THSD7A: variants seen among roughly 807,000 people sequenced by gnomAD.
The protein encoded by THSD7A is thrombospondin type-1 domain-containing protein 7A.
A neutral mutation model predicts 231.3 loss-of-function variants in THSD7A; 96 were observed. The observed-to-expected ratio is 0.41, with a 90% CI of 0.35 to 0.49. The LOEUF (loss-of-function observed/expected upper bound fraction) is 0.49. THSD7A is among the 20% of genes least tolerant of loss of function. The probability of loss-of-function intolerance (pLI) is 0.05; values close to 1 mark genes in which losing one functional copy is unlikely to be tolerated. For synonymous variants in THSD7A, 940 were observed against 743.3 expected (o/e 1.26, Z -4.30); for missense variants, 2,290 against 2,070.2 (o/e 1.11, Z -2.06).
At chr7:11,677,057 A>T (rs558149890) in intron 1 of THSD7A, among the ~76,000 whole-genome samples, 20 of 152,314 alleles carry the variant, frequency 1.3e-4, no homozygotes, top group African/African-American at 4.6e-4. Flanking sequence ...CATCAGACTA[A>T]CATTGGATCT....
chr7:11,488,623 C>A (rs1053795404), intron 6 of THSD7A, among the ~76,000 whole-genome samples: 1 of 152,070 alleles, frequency 6.6e-6, no homozygotes, highest in Non-Finnish European at 1.5e-5. Flanking sequence ...TCCATTTTCT[C>A]TTCCAAATCT....
chr7:11,604,488 A>G (rs1208405121), intron 2 of THSD7A, among the ~76,000 whole-genome samples: 1 of 152,214 alleles, frequency 6.6e-6, no homozygotes, highest in Non-Finnish European at 1.5e-5. Context: ...CACTTTAAAA[A>G]AACATATTTT....
At chr7:11,417,902 C>A (rs1435515346) in intron 16 of THSD7A, among the ~76,000 whole-genome samples, 6 of 152,176 alleles carry the variant, frequency 3.9e-5, no homozygotes, top group Admixed American at 6.5e-5. Flanking sequence ...GTTATGCAAG[C>A]TTCCTCTGAA....
At chr7:11,716,369 G>A (rs75228288) in intron 1 of THSD7A, among the ~76,000 whole-genome samples, 84 of 151,654 alleles carry the variant, frequency 5.5e-4, no homozygotes, top group African/African-American at 2.0e-3. Context: ...AGGTAAACAG[G>A]AAATTACAAT....
intron 1 of THSD7A, among the ~76,000 whole-genome samples, chr7:11,759,780 T>A (rs542097240): frequency 5.9e-5 from 9 of 152,208 alleles, no homozygotes; most frequent in Admixed American, 1.3e-4. Flanking sequence ...GGCAAAGCAG[T>A]CTTTCATAAC....
chr7:11,464,428 T>C (rs1157866890), intron 9 of THSD7A, among the ~76,000 whole-genome samples: 2 of 152,160 alleles, frequency 1.3e-5, no homozygotes, highest in African/African-American at 4.8e-5. Flanking sequence ...CTAAAGCTCC[T>C]ACTTATTAAC....
At chr7:11,819,201 G>A (rs1313555632) in intron 1 of THSD7A, among the ~76,000 whole-genome samples, 2 of 152,154 alleles carry the variant, frequency 1.3e-5, no homozygotes, top group Non-Finnish European at 2.9e-5. Context: ...GAGGAGTGGA[G>A]AAATAGGAAC....
At chr7:11,592,215 A>G (rs1172114755) in intron 3 of THSD7A, among the ~76,000 whole-genome samples, 2 of 152,206 alleles carry the variant, frequency 1.3e-5, no homozygotes, top group African/African-American at 4.8e-5. Flanking sequence ...AACACAATGG[A>G]TGAGTCCAAA....
At chr7:11,393,656 T>A (rs981573246) in intron 23 of THSD7A, among the ~76,000 whole-genome samples, 1 of 152,208 alleles carries the variant, frequency 6.6e-6, no homozygotes, top group Admixed American at 6.5e-5. Context: ...ATAACCAGTT[T>A]AGATAACAGC....
rs188774846 is a variant in THSD7A, at chr7:11,623,801, G to T, written c.1022+12329C>A. On this transcript the variant is annotated intron_variant, in intron 2 of 27. Coordinates refer to ENST00000423059, the MANE Select transcript of THSD7A (RefSeq NM_015204.3). ...ACCTCAGTTGTTAGTATCATGAAAGGTTAGAACAAACAGAGCCTGGGATCA... is the reference window on the plus strand; with the variant it reads ...ACCTCAGTTGTTAGTATCATGAAAGTTTAGAACAAACAGAGCCTGGGATCA... Among the ~76,000 whole-genome samples the T allele has an allele frequency of 3.9e-5, 6 of 152,266 alleles. No individual in the cohort carries two copies. The East Asian group carries it at 7.7e-4, about 20-fold the overall frequency.
intron 10 of THSD7A, 121 bp downstream of exon 10, chr7:11,461,890 T>C: frequency 7.7e-7 from 1 of 1,292,998 alleles, no homozygotes; most frequent in Non-Finnish European, 1.1e-6. Flanking sequence ...GCCATAAACA[T>C]CCCAACTCCA....
At chr7:11,516,164 A>C (rs1788022626) in intron 6 of THSD7A, among the ~76,000 whole-genome samples, 1 of 152,172 alleles carries the variant, frequency 6.6e-6, no homozygotes, top group African/African-American at 2.4e-5. Context: ...ATAAAGTATA[A>C]TACTTATGTA....
chr7:11,824,934 C>A (rs1041703478), intron 1 of THSD7A, among the ~76,000 whole-genome samples: 1 of 152,054 alleles, frequency 6.6e-6, no homozygotes, highest in Admixed American at 6.6e-5. Flanking sequence ...ATAAAAAGTT[C>A]TATTTACATA....
At chr7:11,378,875 C>G (rs1201015493) in intron 26 of THSD7A, 195 bp downstream of exon 26, 1 of 581,804 alleles carries the variant, frequency 1.7e-6, no homozygotes, top group Non-Finnish European at 2.9e-6. Context: ...AATTTCATTT[C>G]TCTGAACTTC....
intron 1 of THSD7A, among the ~76,000 whole-genome samples, chr7:11,806,641 T>C (rs1784405632): frequency 6.6e-6 from 1 of 152,182 alleles, no homozygotes. Context: ...AATAGATCAA[T>C]GTTTTGTCCA....
chr7:11,469,911 T>A lies in THSD7A; in HGVS notation c.2336A>T (p.Asp779Val). 6.2e-7 allele frequency: 1 copy of A among 1,601,882 alleles called. No individual in the cohort carries two copies. Among genetic ancestry groups the A allele is most frequent in the South Asian group, 1.1e-5 (1 of 88,414 alleles). ...KKDCIVTPYS[D>V]WTSCPSSCKE... ...ACACGAAGAGGGGCATGATGTCCAG[T>A]CACTATATGGGGTCACAATACAGTC... The change falls in exon 9 of 28, where the codon GAC (aspartate) becomes GTC (valine). Residue 779 changes from aspartate to valine, a missense_variant. Physicochemically the swap from Asp to Val is radical, Grantham distance 152. Transcript: ENST00000423059.
chr7:11,485,065 A>G (rs1786598863), intron 6 of THSD7A, among the ~76,000 whole-genome samples: 1 of 150,486 alleles, frequency 6.6e-6, no homozygotes, highest in African/African-American at 2.4e-5. Context: ...TCATTTTTGT[A>G]TTTTTAGCAG....
intron 6 of THSD7A, among the ~76,000 whole-genome samples, chr7:11,505,421 C>T (rs1024999758): frequency 1.4e-4 from 21 of 150,420 alleles, no homozygotes; most frequent in African/African-American, 3.9e-4. Context: ...CTTAGGTTTC[C>T]GAAAACTAAC....
chr7:11,606,979 C>T (rs373076403), intron 2 of THSD7A, among the ~76,000 whole-genome samples: 12 of 151,652 alleles, frequency 7.9e-5, no homozygotes, highest in Admixed American at 6.6e-4. Flanking sequence ...GCATGTTGTG[C>T]ACATGTACCC....
Sources: gnomAD v4.1 joint callset for allele counts (sites outside exome capture counted in the v4.1 genomes callset) on GRCh38, gnomAD v4.1.1 for gene constraint, MANE v1.5 for transcripts, NCBI Gene and HGNC (gene_info 2026-07-23, HGNC 2026-07-21) for gene names.